Variants in POLR3C observed in about 807,000 individuals in gnomAD.
The protein encoded by POLR3C is RNA polymerase III subunit C, also known as DNA-directed RNA polymerase III subunit RPC3.
A neutral mutation model predicts 65.9 loss-of-function variants in POLR3C; 44 were observed. The ratio of observed to expected loss-of-function variants is 0.67; its 90% CI spans 0.52 to 0.86. The LOEUF is 0.86. Ranked by LOEUF, POLR3C falls within the 40% of genes least tolerant of loss-of-function variation. The pLI is 0.00. For missense variants in POLR3C, 576 were observed against 653.2 expected, an observed-to-expected ratio of 0.88 and a Z score of 1.29; for synonymous variants, 263 against 231.6, an observed-to-expected ratio of 1.14 and a Z score of -1.23.
rs188288166 is a variant in POLR3C, at chr1:145,843,324, T to C, written c.*904T>C. On this transcript the variant is annotated 3_prime_UTR_variant, in exon 15 of 15. Coordinates refer to ENST00000334163, the MANE Select transcript of POLR3C (RefSeq NM_006468.8). ...GGCAACGCTAAATTCTCTCTCTCAG[T>C]ATCACGGATATAATTTGTCCCAGCA... Among the ~76,000 whole-genome samples the C allele has an allele frequency of 1.8e-4, 28 of 152,320 alleles. No individual in the cohort carries two copies. Among genetic ancestry groups the C allele is most frequent in the African/African-American group, 6.0e-4 (25 of 41,578 alleles).
rs782785150 is a variant in POLR3C at position 145,825,923 on chromosome 1, G to A, written c.147G>A (p.Gln49=). 1.7e-5 allele frequency: 28 copies of A among 1,607,546 alleles called. No individual in the cohort carries two copies. The South Asian group carries it at 3.0e-4, about 17-fold the overall frequency. The change falls in exon 2 of 15, where the codon CAG becomes CAA. Residue 49 remains glutamine, a splice_region_variant and synonymous_variant. Coordinates refer to ENST00000334163, the MANE Select transcript of POLR3C (RefSeq NM_006468.8). ...ATGACACAGGAACATCACTGGATCA[G>A]GTATGTCTAAATGACATTCATTTTC... The part of the protein sequence containing the change: ...IAHDTGTSLD[Q]VKKALCVLVQ...
Position 145,839,326 on chromosome 1 carries a change from T to C in POLR3C, c.1222-564T>C, listed in dbSNP as rs148993575. Among the ~76,000 whole-genome samples, 174 of 152,224 alleles carry C rather than the reference T, an allele frequency of 1.1e-3. 1 individual carries two copies. Among genetic ancestry groups the C allele is most frequent in the Admixed American group, 9.2e-3 (141 of 15,286 alleles). On this transcript the variant is annotated intron_variant, in intron 11 of 14. Transcript: ENST00000334163. ...GATCAAATAGAATTTACCTGGCACA[T>C]AGAGTTGTTCAGTAAATGTTAGTTG...
intron 4 of POLR3C, 97 bp from the exon 5 acceptor site, chr1:145,828,652 C>CATCT (rs1650994503): frequency 1.2e-6 from 1 of 841,312 alleles, no homozygotes; most frequent in African/African-American, 1.7e-5. Flanking sequence ...GAGGCAGCTA[C>CATCT]AGATGTCTTT....
chr1:145,835,144 CAAAAA>C (rs56819606), intron 7 of POLR3C, among the ~76,000 whole-genome samples: 3 of 47,294 alleles, frequency 6.3e-5, no homozygotes, highest in Non-Finnish European at 1.4e-4. Context: ...AACCCTATTT[CAAAAA>C]AAAAAAAAAA....
At chr1:145,835,377 G>A (rs1553728306) in intron 7 of POLR3C, among the ~76,000 whole-genome samples, 1 of 151,196 alleles carries the variant, frequency 6.6e-6, no homozygotes, top group Non-Finnish European at 1.5e-5. Context: ...CCCGGGAATG[G>A]GAGGTTGCAG....
chr1:145,842,181 C>T lies in POLR3C; in HGVS notation c.1524-158C>T, dbSNP rs370147024. On this transcript the variant is annotated intron_variant, in intron 14 of 14. Coordinates refer to ENST00000334163, the MANE Select transcript of POLR3C (RefSeq NM_006468.8). The stretch of plus-strand genomic sequence containing the variant: ...ATGGTGTCTGGCACATAAAGATGCT[C>T]GGTAAATAGCAAAATGATCTACTGG... 1.2e-4 allele frequency among the ~76,000 whole-genome samples: 18 copies of T among 152,244 alleles called. No homozygotes were observed. The East Asian group carries it at 2.1e-3, about 18-fold the overall frequency.
In POLR3C at chr1:145,844,312, A is replaced by G. The variant is rs587682032; in HGVS notation, c.*1892A>G. On this transcript the variant is annotated 3_prime_UTR_variant, in exon 15 of 15. Transcript: ENST00000334163. ...GCTAAAGAAAATGTATTATTCAGCC[A>G]TAAGAATGAATGAAATCCTGTCATT... 1.2e-4 allele frequency among the ~76,000 whole-genome samples: 19 copies of G among 152,364 alleles called. No individual in the cohort carries two copies. The highest frequency in any genetic ancestry group is 3.6e-4 in the African/African-American group (15 of 41,590).
intron 4 of POLR3C, among the ~76,000 whole-genome samples, chr1:145,828,487 C>T (rs781938746): frequency 1.7e-4 from 26 of 152,264 alleles, no homozygotes; most frequent in Non-Finnish European, 3.1e-4. Flanking sequence ...GTGTGTCTGA[C>T]TTGCACATGT....
intron 5 of POLR3C, among the ~76,000 whole-genome samples, chr1:145,829,658 G>C (rs1651123805): frequency 6.6e-6 from 1 of 152,188 alleles, no homozygotes; most frequent in African/African-American, 2.4e-5. Flanking sequence ...ATCTGCTGGA[G>C]ACAGGGCTCT....
At chr1:145,833,417 C>G in intron 6 of POLR3C, 53 bp downstream of exon 6, 1 of 1,516,132 alleles carries the variant, frequency 6.6e-7, no homozygotes, top group Admixed American at 1.7e-5. Context: ...ACTTATTTGT[C>G]AGATATGGCC....
At position 145,828,060 on chromosome 1, in the gene POLR3C, A is replaced by G. The variant is rs1416597819; in HGVS notation, c.590-689A>G. 8.5e-5 allele frequency among the ~76,000 whole-genome samples: 13 copies of G among 152,250 alleles called. 1 individual carries two copies. On this transcript the variant is annotated intron_variant, in intron 4 of 14. Transcript: ENST00000334163. ...GAAGCTAACAGTGAGGTAACAGGAAAAGCATTTTTGGCAGAGGGAATAGTA... is the reference window on the plus strand; with the variant it reads ...GAAGCTAACAGTGAGGTAACAGGAAGAGCATTTTTGGCAGAGGGAATAGTA...
At chr1:145,824,626 C>T in intron 1 of POLR3C, 1 of 770,002 alleles carries the variant, frequency 1.3e-6, no homozygotes, top group Non-Finnish European at 1.9e-6. Context: ...AATAAGTAAA[C>T]AATGTTTGGT....
At chr1:145,825,653 A>G (rs1650669135) in intron 1 of POLR3C, 104 bp from the exon 2 acceptor site, 2 of 595,386 alleles carry the variant, frequency 3.4e-6, no homozygotes, top group Admixed American at 6.9e-5. Flanking sequence ...TTTGATATGT[A>G]TTGTCAAATT....
At position 145,825,879 on chromosome 1, in the gene POLR3C, C is replaced by T; in HGVS notation, c.103C>T (p.Pro35Ser). 2 of 1,613,322 alleles carry T rather than the reference C, an allele frequency of 1.2e-6. No individual in the cohort carries two copies. The highest frequency in any genetic ancestry group is 1.1e-5 in the South Asian group (1 of 91,056). Residue 35 changes from proline (P) to serine (S), a missense_variant, in exon 2 of 15, where the codon CCA becomes TCA. Transcript: ENST00000334163. ...GVHLIRTGSQ[P>S]LRVIAHDTGT... ...CCATCTGATAAGAACCGGCAGCCAG[C>T]CACTAAGAGTAATTGCCCATGACAC...
Position 145,843,540 on chromosome 1 carries a change from C to T in POLR3C, c.*1120C>T, listed in dbSNP as rs1398657390. ...CCAGTCACCATCATTTACTAAGCACCTGTTTTGTGCTAAGTACTGGGGTAA... is the reference window on the plus strand; with the variant it reads ...CCAGTCACCATCATTTACTAAGCACTTGTTTTGTGCTAAGTACTGGGGTAA... On this transcript the variant is annotated 3_prime_UTR_variant, in exon 15 of 15. Transcript: ENST00000334163. Among the ~76,000 whole-genome samples the T allele has an allele frequency of 1.3e-5, 2 of 152,114 alleles. No individual in the cohort carries two copies. The highest frequency in any genetic ancestry group is 2.9e-5 in the Non-Finnish European group (2 of 68,022).
Position 145,826,665 on chromosome 1 carries a change from C to T in POLR3C, c.359C>T (p.Ala120Val). The T allele has an allele frequency of 1.9e-6, 3 of 1,614,126 alleles. No homozygotes were observed. Among genetic ancestry groups the T allele is most frequent in the Non-Finnish European group, 2.5e-6 (3 of 1,179,986 alleles). Residue 120 changes from alanine (A) to valine (V), a missense_variant, in exon 3 of 15, where the codon GCT becomes GTT. Physicochemically the swap from Ala to Val is moderately conservative, Grantham distance 64. Transcript: ENST00000334163. ...LLLNGKLTMSAVVKKVADRLT... is the reference protein window; with the variant it reads ...LLLNGKLTMSVVVKKVADRLT... ...TTGAACGGCAAACTGACAATGTCAGCTGTTGTGAAGAAAGTGGCAGACCGG... is the reference window on the plus strand; with the variant it reads ...TTGAACGGCAAACTGACAATGTCAGTTGTTGTGAAGAAAGTGGCAGACCGG...
In POLR3C at chr1:145,838,942, C is replaced by G. The variant is rs74227623; in HGVS notation, c.1221+736C>G. The stretch of plus-strand genomic sequence containing the variant: ...TTACATTAAGCAAGTTACCACGTTT[C>G]CCATCTATAAAACAGTGATGGATGG... On this transcript the variant is annotated intron_variant, in intron 11 of 14. Transcript: ENST00000334163. Among the ~76,000 whole-genome samples, 343 of 152,220 alleles carry G rather than the reference C, an allele frequency of 2.3e-3. 4 individuals are homozygous for G. In the East Asian group the frequency reaches 0.033, roughly 14 times the overall value.
chr1:145,830,117 TCCAGTTATACTTA>T, intron 5 of POLR3C, among the ~76,000 whole-genome samples: 1 of 151,834 alleles, frequency 6.6e-6, no homozygotes. Context: ...TTTCAGAGAG[TCCAGTTATACTTA>T]CGTGCATTTT....
chr1:145,841,892 T>G (rs1181238784), intron 14 of POLR3C, among the ~76,000 whole-genome samples: 4 of 152,200 alleles, frequency 2.6e-5, no homozygotes, highest in African/African-American at 9.7e-5. Flanking sequence ...GTTTCTGATC[T>G]TAGGAGAAAA....
Sources: gnomAD v4.1 joint callset for allele counts (sites outside exome capture counted in the v4.1 genomes callset) on GRCh38, gnomAD v4.1.1 for gene constraint, MANE v1.5 for transcripts, NCBI Gene and HGNC (gene_info 2026-07-23, HGNC 2026-07-21) for gene names.